DYM: variants seen among roughly 807,000 people sequenced by gnomAD.
The protein encoded by DYM is dymeclin.
Under a neutral mutation model 93.1 loss-of-function variants are expected in DYM, and 78 were observed. The ratio of observed to expected loss-of-function variants is 0.84; its 90% confidence interval spans 0.70 to 1.01. The LOEUF is 1.01. DYM is among the 50% of genes least tolerant of loss of function. DYM has a pLI of 0.00. For synonymous variants in DYM, 321 were observed against 319.7 expected, an observed-to-expected ratio of 1.00 and a Z score of -0.04; for missense variants, 789 against 845.0, an observed-to-expected ratio of 0.93 and a Z score of 0.82.
chr18:49,441,409 A>G (rs1243358920), intron 1 of DYM, among the ~76,000 whole-genome samples: 2 of 126,866 alleles, frequency 1.6e-5, no homozygotes, highest in Non-Finnish European at 1.6e-5. Context: ...CCCCACTTGT[A>G]CCTCAGAGAC....
intron 2 of DYM, among the ~76,000 whole-genome samples, chr18:49,399,846 C>T (rs1019309542): frequency 2.6e-5 from 4 of 152,058 alleles, no homozygotes; most frequent in African/African-American, 9.7e-5. Flanking sequence ...GGAAACACTT[C>T]CCAGTCTCCA....
intron 2 of DYM, among the ~76,000 whole-genome samples, chr18:49,420,053 CA>C (rs2073467581): frequency 6.6e-6 from 1 of 152,090 alleles, no homozygotes; most frequent in African/African-American, 2.4e-5. Flanking sequence ...CTCACCAATC[CA>C]CAGCCACCTT....
At chr18:49,108,852 C>T (rs2081125075) in intron 16 of DYM, among the ~76,000 whole-genome samples, 1 of 152,134 alleles carries the variant, frequency 6.6e-6, no homozygotes, top group Non-Finnish European at 1.5e-5. Flanking sequence ...TGTCTTCTTG[C>T]CATTCTATCA....
At chr18:49,267,169 T>C (rs1285452972) in intron 11 of DYM, among the ~76,000 whole-genome samples, 8 of 151,242 alleles carry the variant, frequency 5.3e-5, no homozygotes, top group South Asian at 4.2e-4. Flanking sequence ...AATCTCTCTA[T>C]GGCTAGTACA....
chr18:49,304,582 G>A lies in DYM; in HGVS notation c.764-17966C>T, dbSNP rs1244341866. Among the ~76,000 whole-genome samples the A allele has an allele frequency of 2.0e-5, 3 of 152,106 alleles. No homozygotes were observed. In the East Asian group the frequency reaches 5.8e-4, roughly 29 times the overall value. On this transcript the variant is annotated intron_variant, in intron 8 of 17. Transcript: ENST00000675505. The stretch of plus-strand genomic sequence containing the variant: ...TCTTTCTCAGAAGGCTTTTCAAATG[G>A]TGACCTCTTAGTTCTCTCTCCACAA...
chr18:49,166,263 T>C (rs906244512), intron 14 of DYM, among the ~76,000 whole-genome samples: 2 of 152,184 alleles, frequency 1.3e-5, no homozygotes, highest in African/African-American at 4.8e-5. Context: ...ATGAAATATA[T>C]ACTATGCTGT....
intron 13 of DYM, among the ~76,000 whole-genome samples, chr18:49,245,136 G>A (rs886490934): frequency 5.9e-5 from 9 of 152,086 alleles, no homozygotes; most frequent in Non-Finnish European, 1.2e-4. Context: ...AATTTCTTAT[G>A]CCTGTCTTAC....
intron 2 of DYM, among the ~76,000 whole-genome samples, chr18:49,392,994 C>CAA (rs756183855): frequency 0.038 from 2,371 of 61,760 alleles, 152 homozygotes; most frequent in East Asian, 0.19. Context: ...GACTCCATCT[C>CAA]AAAAAAAAAA....
intron 1 of DYM, among the ~76,000 whole-genome samples, chr18:49,439,578 C>T (rs111963195): frequency 0.011 from 1,682 of 152,296 alleles, 31 homozygotes; most frequent in African/African-American, 0.039. Context: ...TCAAAAAATA[C>T]TTGCTGAAAT....
At chr18:49,158,739 G>A (rs1960448009) in intron 15 of DYM, among the ~76,000 whole-genome samples, 1 of 152,102 alleles carries the variant, frequency 6.6e-6, no homozygotes, top group Admixed American at 6.6e-5. Flanking sequence ...CAAGAAGGAT[G>A]GTTACCAGAG....
At chr18:49,322,963 C>T (rs506426) in intron 8 of DYM, among the ~76,000 whole-genome samples, 18,004 of 152,156 alleles carry the variant, frequency 0.12, 1,408 homozygotes, top group Non-Finnish European at 0.17. Flanking sequence ...AATAGCAGGT[C>T]TGGCATTCAA....
At chr18:49,395,320 T>C (rs1443443059) in intron 2 of DYM, among the ~76,000 whole-genome samples, 1 of 151,700 alleles carries the variant, frequency 6.6e-6, no homozygotes, top group Admixed American at 6.6e-5. Flanking sequence ...AATACCTAAA[T>C]AGACACCTCT....
intron 2 of DYM, 39 bp downstream of exon 2, chr18:49,430,216 C>T: frequency 6.3e-7 from 1 of 1,592,718 alleles, no homozygotes; most frequent in Non-Finnish European, 8.6e-7. Flanking sequence ...GTTGATATGG[C>T]CCTCTATTCA....
At chr18:49,080,548 G>A (rs1417632496) in intron 17 of DYM, among the ~76,000 whole-genome samples, 2 of 137,782 alleles carry the variant, frequency 1.5e-5, no homozygotes, top group African/African-American at 5.5e-5. Context: ...CCGGGCAGAG[G>A]CGCCCCTCAC....
intron 8 of DYM, among the ~76,000 whole-genome samples, chr18:49,305,927 A>G (rs1458035197): frequency 1.3e-5 from 2 of 152,220 alleles, no homozygotes; most frequent in African/African-American, 4.8e-5. Context: ...AGTCCATTCT[A>G]AGTCCTCACC....
intron 15 of DYM, among the ~76,000 whole-genome samples, chr18:49,131,242 T>G (rs939333870): frequency 1.3e-5 from 2 of 152,220 alleles, no homozygotes; most frequent in Admixed American, 6.5e-5. Context: ...TCAATCTTCC[T>G]GCCTTGCAGA....
intron 15 of DYM, among the ~76,000 whole-genome samples, chr18:49,136,445 A>G (rs183112573): frequency 6.6e-6 from 1 of 152,130 alleles, no homozygotes; most frequent in Non-Finnish European, 1.5e-5. Context: ...TAATGAATTT[A>G]GTCTGGGGGG....
At chr18:49,054,264 C>T (rs372807373) in intron 17 of DYM, among the ~76,000 whole-genome samples, 12 of 152,302 alleles carry the variant, frequency 7.9e-5, no homozygotes, top group East Asian at 7.7e-4. Flanking sequence ...TTTATTGAGA[C>T]GGAGTCTTGC....
rs1400520720 is a variant in DYM, at chr18:49,424,115, T to C, written c.140+6140A>G. On this transcript the variant is annotated intron_variant, in intron 2 of 17. Transcript: ENST00000675505. ...ACCAAAAACGACAATTTTAGACCAA[T>C]ATCCCTGATGAACATCGATGCAAAA... is the stretch of plus-strand genomic sequence containing the variant. 3.3e-5 allele frequency among the ~76,000 whole-genome samples: 5 copies of C among 152,266 alleles called. 1 individual carries two copies. Among genetic ancestry groups the C allele is most frequent in the African/African-American group, 4.8e-5 (2 of 41,552 alleles).
Sources: gnomAD v4.1 joint callset for allele counts (sites outside exome capture counted in the v4.1 genomes callset) on GRCh38, gnomAD v4.1.1 for gene constraint, MANE v1.5 for transcripts, NCBI Gene and HGNC (gene_info 2026-07-23, HGNC 2026-07-21) for gene names.